Variants in TBXAS1 observed in about 807,000 individuals in gnomAD.
The protein encoded by TBXAS1 is thromboxane-A synthase.
In TBXAS1, 48 loss-of-function variants were observed where a neutral mutation model predicts 60.7. That is an observed-to-expected ratio of 0.79 (90% confidence interval 0.63 to 1.01). The LOEUF (loss-of-function observed/expected upper bound fraction) is 1.01. Ranked by LOEUF, TBXAS1 falls within the 50% of genes least tolerant of loss-of-function variation. The pLI is 0.00. For synonymous variants in TBXAS1, 287 were observed against 269.7 expected (o/e 1.06, Z -0.63); for missense variants, 685 against 686.3 (o/e 1.00, Z 0.02).
At chr7:140,011,298 AAAC>A (rs1316356177) in intron 10 of TBXAS1, among the ~76,000 whole-genome samples, 2,483 of 138,424 alleles carry the variant, frequency 0.018, 72 homozygotes, top group African/African-American at 0.067. Flanking sequence ...ACAAACAAAC[AAAC>A]AAAAAAAACA....
intron 5 of TBXAS1, among the ~76,000 whole-genome samples, chr7:139,946,405 G>A (rs1481778843): frequency 6.6e-6 from 1 of 152,168 alleles, no homozygotes; most frequent in Admixed American, 6.5e-5. Context: ...TGGGTGTCAG[G>A]CACTATCAAA....
intron 4 of TBXAS1, among the ~76,000 whole-genome samples, chr7:139,934,734 G>A (rs1807608225): frequency 6.6e-6 from 1 of 152,142 alleles, no homozygotes. Flanking sequence ...CTTTGTGTGT[G>A]TCTGTGTCCC....
At chr7:139,920,940 A>T (rs985731540) in intron 4 of TBXAS1, among the ~76,000 whole-genome samples, 3 of 152,212 alleles carry the variant, frequency 2.0e-5, no homozygotes, top group Non-Finnish European at 4.4e-5. Flanking sequence ...GACTTTTTGC[A>T]GGTCAGGTTG....
At chr7:139,904,188 G>A (rs770509665) in intron 3 of TBXAS1, among the ~76,000 whole-genome samples, 1 of 151,874 alleles carries the variant, frequency 6.6e-6, no homozygotes, top group Non-Finnish European at 1.5e-5. Flanking sequence ...TCCCAGCATC[G>A]TTTATTGAAA....
At chr7:139,862,032 T>C (rs1801005183) in intron 1 of TBXAS1, among the ~76,000 whole-genome samples, 1 of 152,166 alleles carries the variant, frequency 6.6e-6, no homozygotes, top group Non-Finnish European at 1.5e-5. Flanking sequence ...ACTTGAGAAG[T>C]TGGTGGATTG....
chr7:139,923,284 G>A (rs1806624090), intron 4 of TBXAS1, among the ~76,000 whole-genome samples: 2 of 152,046 alleles, frequency 1.3e-5, no homozygotes, highest in African/African-American at 2.4e-5. Flanking sequence ...CCATGATTCT[G>A]CCACTGCACT....
At chr7:139,820,035 C>T (rs555898226) in intron 4 of TBXAS1, among the ~76,000 whole-genome samples, 103 of 152,126 alleles carry the variant, frequency 6.8e-4, no homozygotes, top group African/African-American at 2.3e-3. Flanking sequence ...TGCTGTCAAA[C>T]TCTGGATTCT....
chr7:139,903,797 T>C (rs753912134), intron 3 of TBXAS1, among the ~76,000 whole-genome samples: 10 of 151,950 alleles, frequency 6.6e-5, no homozygotes, highest in Admixed American at 1.3e-4. Flanking sequence ...TTTGATGGGA[T>C]TGTTTGTTTT....
chr7:139,845,153 C>A (rs1263326104), intron 1 of TBXAS1, among the ~76,000 whole-genome samples: 1 of 152,164 alleles, frequency 6.6e-6, no homozygotes, highest in African/African-American at 2.4e-5. Context: ...AATAGCCTTC[C>A]CACGGGTCTC....
chr7:139,963,534 A>G (rs1810532590), intron 9 of TBXAS1, among the ~76,000 whole-genome samples: 1 of 152,330 alleles, frequency 6.6e-6, no homozygotes, highest in South Asian at 2.1e-4. Context: ...CATGAATCCA[A>G]ATAACCCTGC....
upstream of TBXAS1, among the ~76,000 whole-genome samples, chr7:139,827,970 T>G (rs1798491760): frequency 2.0e-5 from 3 of 152,346 alleles, no homozygotes; most frequent in African/African-American, 7.2e-5. Flanking sequence ...GGCAAAGATC[T>G]TTTTACAATG....
chr7:139,887,461 T>G (rs988039520), intron 3 of TBXAS1, among the ~76,000 whole-genome samples: 1 of 152,122 alleles, frequency 6.6e-6, no homozygotes, highest in Non-Finnish European at 1.5e-5. Flanking sequence ...ACAACCACCA[T>G]TTTACCTTCT....
chr7:139,810,496 A>T (rs527956047), intron 4 of TBXAS1, among the ~76,000 whole-genome samples: 1 of 152,208 alleles, frequency 6.6e-6, no homozygotes, highest in Non-Finnish European at 1.5e-5. Flanking sequence ...ATGGAAAGGA[A>T]TTTGTAAAGG....
intron 9 of TBXAS1, among the ~76,000 whole-genome samples, chr7:139,992,706 G>T (rs753606737): frequency 1.3e-5 from 2 of 152,248 alleles, no homozygotes; most frequent in Non-Finnish European, 2.9e-5. Context: ...TGCAAAGGGA[G>T]CTGCCCTCAG....
intron 3 of TBXAS1, among the ~76,000 whole-genome samples, chr7:139,898,319 A>G (rs1220835648): frequency 6.6e-6 from 1 of 151,842 alleles, no homozygotes; most frequent in African/African-American, 2.4e-5. Flanking sequence ...CGGAGACAAG[A>G]AGTTCTCAGA....
intron 9 of TBXAS1, among the ~76,000 whole-genome samples, chr7:139,991,934 C>G (rs1371026207): frequency 1.3e-5 from 2 of 152,192 alleles, no homozygotes; most frequent in Non-Finnish European, 1.5e-5. Context: ...GAGGGGAGAC[C>G]CTTCCCATTC....
chr7:139,801,721 T>C (rs1345388305), intron 4 of TBXAS1, among the ~76,000 whole-genome samples: 5 of 152,212 alleles, frequency 3.3e-5, no homozygotes, highest in African/African-American at 4.8e-5. Flanking sequence ...CATTGCCAGT[T>C]GTAACCACTG....
At chr7:139,783,303 GA>G (rs1212302568) in intron 3 of TBXAS1, among the ~76,000 whole-genome samples, 2 of 146,946 alleles carry the variant, frequency 1.4e-5, no homozygotes, top group Non-Finnish European at 3.0e-5. Context: ...AGGGGTGCAG[GA>G]AAAGCAAAGC....
At chr7:139,814,475 A>G (rs897414171) in intron 4 of TBXAS1, among the ~76,000 whole-genome samples, 4 of 152,170 alleles carry the variant, frequency 2.6e-5, no homozygotes, top group Non-Finnish European at 5.9e-5. Context: ...GGTCAAGTGG[A>G]CACTCAACAT....
Sources: gnomAD v4.1 joint callset for allele counts (sites outside exome capture counted in the v4.1 genomes callset) on GRCh38, gnomAD v4.1.1 for gene constraint, MANE v1.5 for transcripts, NCBI Gene and HGNC (gene_info 2026-07-23, HGNC 2026-07-21) for gene names.